Variants in SLC26A11 observed in about 807,000 individuals in gnomAD.
SLC26A11 encodes the protein sodium-independent sulfate anion transporter.
A neutral mutation model predicts 62.2 loss-of-function variants in SLC26A11; 58 were observed. The ratio of observed to expected loss-of-function variants is 0.93; its 90% CI spans 0.76 to 1.16. The LOEUF (loss-of-function observed/expected upper bound fraction) is 1.16. Among genes scored for constraint, SLC26A11 ranks in the 50% most tolerant of loss-of-function variants. The pLI, the probability that SLC26A11 is intolerant of heterozygous loss-of-function variation, is 0.00. For missense variants in SLC26A11, 790 were observed against 794.3 expected (o/e 0.99, Z 0.06); for synonymous variants, 411 against 368.9 (o/e 1.11, Z -1.31).
At chr17:80,244,912 C>A (rs1197940966) in intron 10 of SLC26A11, among the ~76,000 whole-genome samples, 1 of 142,048 alleles carries the variant, frequency 7.0e-6, no homozygotes, top group African/African-American at 2.6e-5. Flanking sequence ...GAGGCGGAGG[C>A]TGCAGTGAGC....
chr17:80,232,564 A>G (rs1221075299), intron 7 of SLC26A11, among the ~76,000 whole-genome samples: 1 of 152,150 alleles, frequency 6.6e-6, no homozygotes, highest in Non-Finnish European at 1.5e-5. Flanking sequence ...CTTTTAACGT[A>G]TTTAATTGAT....
intron 5 of SLC26A11, among the ~76,000 whole-genome samples, chr17:80,224,611 T>C (rs1490263528): frequency 6.6e-6 from 1 of 152,064 alleles, no homozygotes; most frequent in Non-Finnish European, 1.5e-5. Context: ...GGGACCAACT[T>C]AGGTGTGGGT....
rs1598774124 is a variant in SLC26A11, at chr17:80,220,613, G to A, written c.-214+117G>A. The A allele has an allele frequency of 1.2e-5, 4 of 324,746 alleles. No homozygotes were observed. The East Asian group carries it at 2.0e-4, about 16-fold the overall frequency. 20.1% of individuals were successfully genotyped at this position (324,746 alleles called of 1,614,324 possible). ...GCCAGCGCGGAGTCCTGAAGTGCGG[G>A]GGCCTCCCGTGGGGACCACTCCCCC... On this transcript the variant is annotated intron_variant, in intron 1 of 17. Transcript: ENST00000361193.
intron 6 of SLC26A11, among the ~76,000 whole-genome samples, chr17:80,226,323 G>T (rs561344976): frequency 6.6e-6 from 1 of 152,164 alleles, no homozygotes; most frequent in Non-Finnish European, 1.5e-5. Context: ...AGCTAACCCA[G>T]ACAGAACGCA....
At chr17:80,245,282 T>G (rs1225373590) in intron 11 of SLC26A11, 26 bp downstream of exon 11, 1 of 1,612,002 alleles carries the variant, frequency 6.2e-7, no homozygotes, top group Non-Finnish European at 8.5e-7. Context: ...GCCTCTTCTG[T>G]TTGCCCACGT....
At position 80,249,230 on chromosome 17, in the gene SLC26A11, C is replaced by T. The variant is rs201516304; in HGVS notation, c.1599C>T (p.Gly533=). ...SIDYTVVLGL[G]ELLQDFQKQG... ...ACTACACTGTGGTGCTGGGACTCGG[C>T]GAGCTCCTCCAGGACTTCCAGAAGC... is the stretch of plus-strand genomic sequence containing the variant. The change falls in exon 16 of 18, where the codon GGC becomes GGT. Residue 533 remains glycine (G), a synonymous_variant. Coordinates refer to ENST00000361193, the MANE Select transcript of SLC26A11 (RefSeq NM_001166347.2). 2.5e-5 allele frequency: 40 copies of T among 1,611,462 alleles called. No homozygotes were observed. The highest frequency in any genetic ancestry group is 8.3e-5 in the Admixed American group (5 of 60,002).
chr17:80,222,191 A>T lies in SLC26A11; in HGVS notation c.234+397A>T. 1 of 202,330 alleles carries T rather than the reference A, an allele frequency of 4.9e-6. No individual in the cohort carries two copies. Among genetic ancestry groups the T allele is most frequent in the Non-Finnish European group, 9.9e-6 (1 of 101,470 alleles). The allele number at this position is 202,330 out of a possible 1,614,324, so 12.5% of individuals were successfully genotyped here. ...GGAGATGGAGACCATCCTGGCTAAC[A>T]GGGTGAAACCCCGTCTCTACTAAAA... is the stretch of plus-strand genomic sequence containing the variant. On this transcript the variant is annotated intron_variant, in intron 3 of 17. Coordinates refer to ENST00000361193, the MANE Select transcript of SLC26A11 (RefSeq NM_001166347.2). The surrounding 1 kb of genome is among the most constrained non-coding windows in gnomAD (Gnocchi z 4.7).
chr17:80,246,406 C>T lies in SLC26A11; in HGVS notation c.1154-103C>T. ...GGGCCTTGGCAGTCGTCGCCCTACC[C>T]CCACCCCTGTCCCCAGTGGGCTCTG... On this transcript the variant is annotated intron_variant, in intron 12 of 17. Coordinates refer to ENST00000361193, the MANE Select transcript of SLC26A11 (RefSeq NM_001166347.2). This position sits in a 1 kb window ranked among gnomAD's most constrained non-coding sequence, Gnocchi z 4.4. The T allele has an allele frequency of 1.3e-6, 2 of 1,524,948 alleles. No individual in the cohort carries two copies. Among genetic ancestry groups the T allele is most frequent in the Non-Finnish European group, 8.8e-7 (1 of 1,130,786 alleles). The allele number at this position is 1,524,948 out of a possible 1,614,324, so 94.5% of individuals were successfully genotyped here.
chr17:80,226,052 C>T (rs984952935), intron 6 of SLC26A11, 136 bp downstream of exon 6: 12 of 702,462 alleles, frequency 1.7e-5, no homozygotes, highest in Non-Finnish European at 2.7e-5. Flanking sequence ...TCAGCAGCAC[C>T]TGCAAGCTGG....
intron 11 of SLC26A11, among the ~76,000 whole-genome samples, chr17:80,245,951 C>T (rs2042981533): frequency 6.6e-6 from 1 of 152,220 alleles, no homozygotes; most frequent in African/African-American, 2.4e-5. Context: ...TCCTGAGCTT[C>T]TTCCTATAGT....
chr17:80,243,447 G>C (rs751182021), intron 10 of SLC26A11, among the ~76,000 whole-genome samples: 3 of 151,100 alleles, frequency 2.0e-5, no homozygotes, highest in Non-Finnish European at 4.4e-5. Context: ...GCCCAGGCTG[G>C]AGTGCAGTGG....
At chr17:80,225,235 T>A (rs975901507) in intron 5 of SLC26A11, among the ~76,000 whole-genome samples, 11 of 152,032 alleles carry the variant, frequency 7.2e-5, no homozygotes, top group Non-Finnish European at 1.6e-4. Flanking sequence ...ATAGAGTGCC[T>A]TCTCCTGCCC....
At chr17:80,245,297 C>T (rs796870071) in intron 11 of SLC26A11, 41 bp downstream of exon 11, 52 of 1,604,712 alleles carry the variant, frequency 3.2e-5, no homozygotes, top group African/African-American at 6.7e-5. Flanking sequence ...CCACGTTGGA[C>T]GCCCTAACGT....
chr17:80,226,480 C>T (rs1016352556), intron 6 of SLC26A11, among the ~76,000 whole-genome samples: 6 of 152,286 alleles, frequency 3.9e-5, no homozygotes, highest in Non-Finnish European at 7.4e-5. Flanking sequence ...GTGGGCAGAT[C>T]ATCTTAGGTC....
Position 80,222,960 on chromosome 17 carries a change from T to A in SLC26A11, c.427+113T>A, listed in dbSNP as rs1159308178. ...GTGCGTGTTGGGGTGTGGGTATGTA[T>A]GTGTGTGTGTGTAGGTGGGTGGGTG... On this transcript the variant is annotated intron_variant, in intron 4 of 17. Transcript: ENST00000361193. The surrounding 1 kb of genome is among the most constrained non-coding windows in gnomAD (Gnocchi z 4.7). 6.6e-6 allele frequency: 6 copies of A among 912,454 alleles called. No individual in the cohort carries two copies. Among genetic ancestry groups the A allele is most frequent in the Middle Eastern group, 6.6e-4 (2 of 3,028 alleles). The allele number at this position is 912,454 out of a possible 1,614,324, so 56.5% of individuals were successfully genotyped here. A position where few individuals can be genotyped will look rare whatever the true frequency, so the allele number is the denominator to read the frequency against.
At chr17:80,231,036 C>T (rs75485085) in intron 7 of SLC26A11, among the ~76,000 whole-genome samples, 68,927 of 151,180 alleles carry the variant, frequency 0.46, 15,689 homozygotes, top group East Asian at 0.61. Context: ...AAAGAACCAC[C>T]TTTGGTTTCA....
At chr17:80,224,316 TGTGA>T (rs1290417463) in intron 5 of SLC26A11, among the ~76,000 whole-genome samples, 2 of 146,394 alleles carry the variant, frequency 1.4e-5, no homozygotes, top group Non-Finnish European at 3.0e-5. Flanking sequence ...TGTGAGAGAG[TGTGA>T]GTGTGTATGA....
chr17:80,245,086 G>A (rs1048222094), intron 10 of SLC26A11, 110 bp from the exon 11 acceptor site: 27 of 923,442 alleles, frequency 2.9e-5, no homozygotes, highest in South Asian at 1.1e-4. Flanking sequence ...TGATTCTCCC[G>A]AGCCCTGCCT....
chr17:80,237,500 C>G, intron 8 of SLC26A11, 22 bp from the exon 9 acceptor site: 6 of 1,600,248 alleles, frequency 3.7e-6, no homozygotes, highest in Non-Finnish European at 5.1e-6. Flanking sequence ...AGGTCACTCA[C>G]CATCCCTCTC....
Sources: gnomAD v4.1 joint callset for allele counts (sites outside exome capture counted in the v4.1 genomes callset) on GRCh38, gnomAD v4.1.1 for gene constraint, Gnocchi (gnomAD v3.1) non-coding constraint, MANE v1.5 for transcripts, NCBI Gene and HGNC (gene_info 2026-07-23, HGNC 2026-07-21) for gene names.